LRP1B: variants seen among roughly 807,000 people sequenced by gnomAD.
LRP1B encodes the protein low-density lipoprotein receptor-related protein 1B.
A neutral mutation model predicts 556.6 loss-of-function variants in LRP1B; 217 were observed. The observed-to-expected ratio is 0.39, with a 90% CI of 0.35 to 0.44. LRP1B has a LOEUF of 0.44. Ranked by LOEUF, LRP1B falls within the 20% of genes least tolerant of loss-of-function variation. The probability of loss-of-function intolerance (pLI) is 1.00; values close to 1 mark genes in which losing one functional copy is unlikely to be tolerated. For synonymous variants in LRP1B, 2,047 were observed against 1,865.8 expected, an observed-to-expected ratio of 1.10 and a Z score of -2.50; for missense variants, 5,053 against 5,620.8, an observed-to-expected ratio of 0.90 and a Z score of 3.23.
rs116581494 is a variant in LRP1B at position 140,254,194 on chromosome 2, T to A, written c.13248-7032A>T. On this transcript the variant is annotated intron_variant, in intron 86 of 90. Transcript: ENST00000389484. ...CAACTGCAGGTTAATAACTGCACTTTAAAATAAAGCAGTTTAATAACTGCT... is the reference window on the plus strand; with the variant it reads ...CAACTGCAGGTTAATAACTGCACTTAAAAATAAAGCAGTTTAATAACTGCT... Among the ~76,000 whole-genome samples the A allele has an allele frequency of 2.9e-3, 438 of 152,266 alleles. 3 individuals are homozygous for A. Among genetic ancestry groups the A allele is most frequent in the African/African-American group, 9.8e-3 (409 of 41,574 alleles).
chr2:141,423,997 T>C (rs1057251133), intron 3 of LRP1B, among the ~76,000 whole-genome samples: 1 of 152,110 alleles, frequency 6.6e-6, no homozygotes, highest in Admixed American at 6.5e-5. Context: ...TTAAAACATA[T>C]GATTCAGTTA....
intron 7 of LRP1B, among the ~76,000 whole-genome samples, chr2:141,076,975 G>C (rs1699803176): frequency 6.6e-6 from 1 of 152,174 alleles, no homozygotes; most frequent in Admixed American, 6.5e-5. Flanking sequence ...GGCTGGGTGT[G>C]GTGGCTCAAG....
In LRP1B at chr2:140,332,248, CACG is replaced by C. The variant is rs533667474; in HGVS notation, c.12223+2202_12223+2204del. 1.5e-4 allele frequency among the ~76,000 whole-genome samples: 23 copies of C among 152,146 alleles called. No individual in the cohort carries two copies. In the East Asian group the frequency reaches 1.9e-3, roughly 13 times the overall value. ...ACCTTTGAACTCTGCTGTTATAAAA[CACG>C]ACAATGACACAATTCTTACCTTTTG... On this transcript the variant is annotated intron_variant, in intron 79 of 90. Transcript: ENST00000389484.
intron 41 of LRP1B, among the ~76,000 whole-genome samples, chr2:140,663,542 T>C (rs919209192): frequency 1.3e-5 from 2 of 152,188 alleles, no homozygotes; most frequent in Non-Finnish European, 2.9e-5. Context: ...AGCTCAAACT[T>C]AACTTTTGCA....
intron 32 of LRP1B, among the ~76,000 whole-genome samples, chr2:140,791,914 T>G (rs544314845): frequency 2.6e-5 from 4 of 152,328 alleles, no homozygotes; most frequent in African/African-American, 9.6e-5. Context: ...TTGCCTTCCT[T>G]TTTTCTACCT....
At chr2:141,095,449 T>C (rs931982736) in intron 7 of LRP1B, among the ~76,000 whole-genome samples, 1 of 145,516 alleles carries the variant, frequency 6.9e-6, no homozygotes, top group African/African-American at 2.5e-5. Context: ...TTGGACATGA[T>C]AGAAAAAATA....
intron 35 of LRP1B, among the ~76,000 whole-genome samples, chr2:140,765,111 G>A (rs1689056428): frequency 6.6e-6 from 1 of 152,068 alleles, no homozygotes; most frequent in Non-Finnish European, 1.5e-5. Flanking sequence ...TTACAGGTAT[G>A]AGCCATTGCA....
At chr2:142,106,859 A>G (rs1706763369) in intron 1 of LRP1B, among the ~76,000 whole-genome samples, 2 of 152,290 alleles carry the variant, frequency 1.3e-5, no homozygotes, top group East Asian at 1.9e-4. Flanking sequence ...TAAAAAATTA[A>G]TGACATTTTT....
intron 1 of LRP1B, among the ~76,000 whole-genome samples, chr2:141,966,921 G>T (rs1043658630): frequency 3.3e-5 from 5 of 151,852 alleles, no homozygotes; most frequent in Admixed American, 1.3e-4. Flanking sequence ...CAGAGTTCAG[G>T]ATGGTGCTGG....
At position 140,315,026 on chromosome 2, in the gene LRP1B, G is replaced by T. The variant is rs139773250; in HGVS notation, c.12714C>A (p.His4238Gln). 1.5e-5 allele frequency: 24 copies of T among 1,611,676 alleles called. No individual in the cohort carries two copies. The African/African-American group carries it at 2.3e-4, about 15-fold the overall frequency. ...ILNEKGDLRC[H>Q]CWPSYSGERC... Reference sequence around the variant, plus strand: ...TTTCTCCTGAATAACTGGGCCAACAGTGACACCTCAAATCACCTTTCTCAT... The same window carrying T: ...TTTCTCCTGAATAACTGGGCCAACATTGACACCTCAAATCACCTTTCTCAT... The change falls in exon 83 of 91, where the codon CAC becomes CAA. Residue 4238 changes from histidine (H) to glutamine (Q), a missense_variant. This residue lies in a region of LRP1B where 551 missense variants were observed against 592.0 expected (regional missense o/e 0.93). Coordinates refer to ENST00000389484, the MANE Select transcript of LRP1B (RefSeq NM_018557.3).
Position 140,702,532 on chromosome 2 carries a change from C to G in LRP1B, c.6045G>C (p.Trp2015Cys), listed in dbSNP as rs1686686703. The G allele has an allele frequency of 6.2e-7, 1 of 1,613,206 alleles. No homozygotes were observed. The highest frequency in any genetic ancestry group is 8.5e-7 in the Non-Finnish European group (1 of 1,179,508). The change falls in exon 38 of 91, where the codon TGG becomes TGC. Residue 2015 changes from tryptophan to cysteine, a missense_variant. Trp to Cys is a radical substitution (Grantham distance 215). This residue lies in a region of LRP1B where 3,619 missense variants were observed against 3,931.9 expected (regional missense o/e 0.92). Transcript: ENST00000389484. ...CCTTTCCAATACAGGGCATTTGTCCCCATTCAGTCCAGAACAAGAGGCTGA... is the reference window on the plus strand; with the variant it reads ...CCTTTCCAATACAGGGCATTTGTCCGCATTCAGTCCAGAACAAGAGGCTGA... ...PEKGLLFWTE[W>C]GQMPCIGKAR...
In LRP1B at chr2:141,514,055, G is replaced by A. The variant is rs553471823; in HGVS notation, c.206-33522C>T. Among the ~76,000 whole-genome samples the A allele has an allele frequency of 1.1e-3, 167 of 152,224 alleles. 1 individual carries two copies. The highest frequency in any genetic ancestry group is 1.6e-3 in the Non-Finnish European group (106 of 68,004). ...CTGCCTCCTCTCAGTTCCTCAGTGT[G>A]GTCATTCTGGATATCCACATTATAA... On this transcript the variant is annotated intron_variant, in intron 2 of 90. Coordinates refer to ENST00000389484, the MANE Select transcript of LRP1B (RefSeq NM_018557.3).
At chr2:140,308,129 T>C (rs1219341733) in intron 83 of LRP1B, among the ~76,000 whole-genome samples, 1 of 151,816 alleles carries the variant, frequency 6.6e-6, no homozygotes, top group Non-Finnish European at 1.5e-5. Flanking sequence ...ATACTTTCAT[T>C]TGAATATTGT....
intron 85 of LRP1B, among the ~76,000 whole-genome samples, chr2:140,272,367 G>T (rs1441641768): frequency 6.6e-6 from 1 of 151,358 alleles, no homozygotes; most frequent in Non-Finnish European, 1.5e-5. Context: ...CCATGACAAT[G>T]GTCATCAAAA....
chr2:140,834,365 G>A (rs1310021223), intron 31 of LRP1B, among the ~76,000 whole-genome samples: 1 of 152,138 alleles, frequency 6.6e-6, no homozygotes, highest in Non-Finnish European at 1.5e-5. Context: ...TCAGCCTCTC[G>A]AGTAGCTGGG....
At chr2:140,656,509 C>A (rs940734196) in intron 41 of LRP1B, among the ~76,000 whole-genome samples, 1 of 152,094 alleles carries the variant, frequency 6.6e-6, no homozygotes, top group South Asian at 2.1e-4. Context: ...AGAAAAATAT[C>A]TTTGTTATCA....
chr2:141,917,311 A>G (rs1463711220), intron 1 of LRP1B, among the ~76,000 whole-genome samples: 1 of 152,192 alleles, frequency 6.6e-6, no homozygotes, highest in Non-Finnish European at 1.5e-5. Context: ...GAACGCTATT[A>G]ACAACTGAGA....
intron 1 of LRP1B, among the ~76,000 whole-genome samples, chr2:142,124,032 C>T (rs1707552944): frequency 6.6e-6 from 1 of 151,458 alleles, no homozygotes; most frequent in African/African-American, 2.4e-5. Context: ...AACAGAAAAA[C>T]ATGTTTTTTT....
chr2:140,931,947 G>T (rs1008688101), intron 20 of LRP1B, among the ~76,000 whole-genome samples: 1 of 152,096 alleles, frequency 6.6e-6, no homozygotes, highest in Non-Finnish European at 1.5e-5. Context: ...TTAAGTAAAA[G>T]AAATTGCAAT....
Sources: gnomAD v4.1 joint callset for allele counts (sites outside exome capture counted in the v4.1 genomes callset) on GRCh38, gnomAD v4.1.1 for gene constraint, gnomAD v4.1.1 regional missense constraint, MANE v1.5 for transcripts, NCBI Gene and HGNC (gene_info 2026-07-23, HGNC 2026-07-21) for gene names.